PRTG: variants seen among roughly 807,000 people sequenced by gnomAD.
The protein encoded by PRTG is protogenin, also known as immunoglobulin superfamily, DCC subclass, member 5.
In PRTG, 67 loss-of-function variants were observed where a neutral mutation model predicts 122.5. That is an observed-to-expected ratio of 0.55 (90% CI 0.45 to 0.67). PRTG has a LOEUF of 0.67. Among genes scored for constraint, PRTG ranks in the 30% least tolerant of loss-of-function variants. PRTG has a pLI of 0.00. For missense variants in PRTG, 1,435 were observed against 1,415.4 expected (o/e 1.01, Z -0.22); for synonymous variants, 554 against 501.1 (o/e 1.11, Z -1.41).
intron 9 of PRTG, among the ~76,000 whole-genome samples, chr15:55,674,314 C>G (rs978096272): frequency 6.6e-6 from 1 of 152,112 alleles, no homozygotes; most frequent in Non-Finnish European, 1.5e-5. Flanking sequence ...ACCAAATTAA[C>G]CTCTCTTACC....
At chr15:55,652,380 T>C (rs927791130) in intron 11 of PRTG, among the ~76,000 whole-genome samples, 2 of 152,156 alleles carry the variant, frequency 1.3e-5, no homozygotes, top group Non-Finnish European at 2.9e-5. Flanking sequence ...AAACCTAGTG[T>C]CTAGCCAAAT....
chr15:55,736,766 C>G (rs2031426162), intron 2 of PRTG, among the ~76,000 whole-genome samples: 1 of 152,244 alleles, frequency 6.6e-6, no homozygotes, highest in African/African-American at 2.4e-5. Flanking sequence ...AGTGAACAGT[C>G]CTGGAAAATC....
chr15:55,715,272 A>G (rs1207573530), intron 2 of PRTG, among the ~76,000 whole-genome samples: 3 of 152,182 alleles, frequency 2.0e-5, no homozygotes, highest in Non-Finnish European at 4.4e-5. Context: ...AAACCCTTAA[A>G]AAGTAAATCT....
chr15:55,639,577 T>C (rs2059277774), intron 13 of PRTG, 65 bp downstream of exon 13: 1 of 1,412,418 alleles, frequency 7.1e-7, no homozygotes, highest in Non-Finnish European at 9.8e-7. Flanking sequence ...TGGTAAGAGG[T>C]AGAAGTTGGA....
intron 16 of PRTG, among the ~76,000 whole-genome samples, chr15:55,627,854 G>A (rs2059204231): frequency 6.6e-6 from 1 of 152,082 alleles, no homozygotes; most frequent in Admixed American, 6.6e-5. Context: ...ATGTGCCTGT[G>A]AGTCACTAGG....
chr15:55,672,301 A>C (rs1008928579), intron 11 of PRTG, 144 bp downstream of exon 11: 2 of 633,280 alleles, frequency 3.2e-6, no homozygotes, highest in Admixed American at 3.2e-5. Context: ...TGACTTCAGC[A>C]GTAGCATATA....
chr15:55,729,897 C>T (rs2031169368), intron 2 of PRTG, among the ~76,000 whole-genome samples: 2 of 152,266 alleles, frequency 1.3e-5, no homozygotes, highest in South Asian at 2.1e-4. Context: ...TGGAGCTCAA[C>T]CTCCATGCAC....
chr15:55,738,194 T>G (rs2031498187), intron 2 of PRTG: 2 of 255,700 alleles, frequency 7.8e-6, no homozygotes, highest in Non-Finnish European at 1.5e-5. Flanking sequence ...ATATAAAAAC[T>G]TCACCACAAC....
In PRTG at chr15:55,619,761, A is replaced by G. The variant is rs1363595986; in HGVS notation, c.*251T>C. The G allele has an allele frequency of 4.1e-6, 2 of 484,328 alleles. No homozygotes were observed. Among genetic ancestry groups the G allele is most frequent in the Non-Finnish European group, 7.0e-6 (2 of 287,584 alleles). 30.0% of individuals were successfully genotyped at this position (484,328 alleles called of 1,614,324 possible). ...ACAAAACACATTCAAAAAAAGCTAA[A>G]ATACCCCATAAAGATATTAAGATTT... On this transcript the variant is annotated 3_prime_UTR_variant, in exon 20 of 20. Transcript: ENST00000389286.
intron 2 of PRTG, among the ~76,000 whole-genome samples, chr15:55,720,436 G>A (rs2030771978): frequency 1.3e-5 from 2 of 152,050 alleles, no homozygotes; most frequent in Admixed American, 1.3e-4. Context: ...ACTGCTTTAA[G>A]ACTTGACTGA....
At chr15:55,646,842 A>G (rs568991434) in intron 11 of PRTG, among the ~76,000 whole-genome samples, 1 of 152,172 alleles carries the variant, frequency 6.6e-6, no homozygotes, top group Non-Finnish European at 1.5e-5. Flanking sequence ...TTCTTTTATT[A>G]GGGAGTCACC....
rs543306113 is a variant in PRTG at position 55,683,367 on chromosome 15, G to C, written c.542+420C>G. On this transcript the variant is annotated intron_variant, in intron 3 of 19. Transcript: ENST00000389286. Reference sequence around the variant, plus strand: ...ACACTAGATGTGTGCATGTGTGCTTGTGTGTGCATTTGTAGTAAAGAGGGG... The same window carrying C: ...ACACTAGATGTGTGCATGTGTGCTTCTGTGTGCATTTGTAGTAAAGAGGGG... Among the ~76,000 whole-genome samples, 8 of 152,236 alleles carry C rather than the reference G, an allele frequency of 5.3e-5. No homozygotes were observed. The East Asian group carries it at 1.2e-3, about 22-fold the overall frequency.
At chr15:55,707,089 G>C (rs2030160907) in intron 2 of PRTG, among the ~76,000 whole-genome samples, 1 of 152,190 alleles carries the variant, frequency 6.6e-6, no homozygotes, top group Non-Finnish European at 1.5e-5. Context: ...GGGAGCCATT[G>C]AAATATTTTA....
intron 2 of PRTG, among the ~76,000 whole-genome samples, chr15:55,684,775 C>G (rs987965263): frequency 3.3e-5 from 5 of 152,142 alleles, no homozygotes; most frequent in Admixed American, 1.3e-4. Flanking sequence ...ACATATCACT[C>G]TATCTGGAAT....
intron 11 of PRTG, among the ~76,000 whole-genome samples, chr15:55,670,235 T>C (rs2059461630): frequency 2.1e-5 from 1 of 48,042 alleles, no homozygotes. Flanking sequence ...CTCTAAACTT[T>C]TCACAACCCA....
Position 55,639,802 on chromosome 15 carries a change from G to A in PRTG, c.2164C>T (p.Pro722Ser). The change falls in exon 13 of 20, where the codon CCA becomes TCA. Residue 722 changes from proline (P) to serine (S), a missense_variant. Transcript: ENST00000389286. ...VSVRDRMVPP[P>S]PPPHHLYAKA... ...GCATAGAGATGGTGGGGTGGTGGTG[G>A]AGGAGGGACCATGCGATCACGAACA... 1 of 1,614,140 alleles carries A rather than the reference G, an allele frequency of 6.2e-7. No homozygotes were observed. The highest frequency in any genetic ancestry group is 1.3e-5 in the African/African-American group (1 of 75,054).
intron 2 of PRTG, among the ~76,000 whole-genome samples, chr15:55,703,468 G>C (rs2029967637): frequency 6.6e-6 from 1 of 152,132 alleles, no homozygotes; most frequent in East Asian, 1.9e-4. Context: ...CCCAGGACCA[G>C]ATTATGAAGA....
chr15:55,666,678 A>G lies in PRTG; in HGVS notation c.2041+5767T>C, dbSNP rs1031375052. Among the ~76,000 whole-genome samples the G allele has an allele frequency of 7.9e-5, 12 of 152,240 alleles. 1 individual carries two copies. The highest frequency in any genetic ancestry group is 7.2e-4 in the Admixed American group (11 of 15,282). On this transcript the variant is annotated intron_variant, in intron 11 of 19. Coordinates refer to ENST00000389286, the MANE Select transcript of PRTG (RefSeq NM_173814.6). ...TTACTTGAAAAAATATTTTTAAAACATACAGACACAATTTTTAAATACAGG... is the reference window on the plus strand; with the variant it reads ...TTACTTGAAAAAATATTTTTAAAACGTACAGACACAATTTTTAAATACAGG...
intron 8 of PRTG, 85 bp downstream of exon 8, chr15:55,677,712 G>A: frequency 8.0e-7 from 1 of 1,249,078 alleles, no homozygotes; most frequent in Non-Finnish European, 1.1e-6. Context: ...AATATTTTAT[G>A]GATTATGTAA....
Sources: allele counts gnomAD v4.1 joint callset (sites outside exome capture counted in the v4.1 genomes callset), GRCh38; gene constraint gnomAD v4.1.1; transcripts MANE v1.5; gene names NCBI Gene and HGNC (gene_info 2026-07-23, HGNC 2026-07-21).